OLA1: variants seen among roughly 807,000 people sequenced by gnomAD.
The protein encoded by OLA1 is obg-like ATPase 1.
OLA1 carries 14 observed loss-of-function variants against 48.4 expected under a neutral mutation model. The ratio of observed to expected loss-of-function variants is 0.29; its 90% CI spans 0.19 to 0.45. OLA1 has a LOEUF of 0.45. OLA1 is among the 20% of genes least tolerant of loss of function. The pLI is 1.00. For missense variants in OLA1, 325 were observed against 467.1 expected (o/e 0.70, Z 2.80); for synonymous variants, 127 against 150.4 (o/e 0.84, Z 1.14).
Position 174,141,847 on chromosome 2 carries a change from T to G in OLA1, c.527A>C (p.Asp176Ala), listed in dbSNP as rs1461079347. The G allele has an allele frequency of 1.2e-6, 2 of 1,603,124 alleles. No individual in the cohort carries two copies. Among genetic ancestry groups the G allele is most frequent in the Non-Finnish European group, 1.7e-6 (2 of 1,177,944 alleles). Residue 176 changes from aspartate to alanine, a missense_variant, in exon 5 of 11, where the codon GAT (aspartate) becomes GCT (alanine). By Grantham distance (126) the Asp-to-Ala change is moderately radical. Transcript: ENST00000284719. ...KLEKVAVRGG[D>A]KKLKPEYDIM... ...TACATATTCAGGTTTTAGTTTTTTATCTCCTCCTCTCACAGCCACCTTTTC... is the reference window on the plus strand; with the variant it reads ...TACATATTCAGGTTTTAGTTTTTTAGCTCCTCCTCTCACAGCCACCTTTTC...
Position 174,141,829 on chromosome 2 carries a change from T to C in OLA1, c.545A>G (p.Glu182Gly). The C allele has an allele frequency of 1.9e-6, 3 of 1,594,004 alleles. No homozygotes were observed. The highest frequency in any genetic ancestry group is 1.7e-6 in the Non-Finnish European group (2 of 1,175,082). Residue 182 changes from glutamate to glycine, a missense_variant, in exon 5 of 11, where the codon GAA (glutamate) becomes GGA (glycine). Physicochemically the swap from Glu to Gly is moderately conservative, Grantham distance 98 (BLOSUM62 -2). Coordinates refer to ENST00000284719, the MANE Select transcript of OLA1 (RefSeq NM_013341.5). ...AAGCTGTAAATTTTTACTTACATAT[T>C]CAGGTTTTAGTTTTTTATCTCCTCC... Reference protein sequence around the residue: ...VRGGDKKLKPEYDIMCKVKSW... With the variant: ...VRGGDKKLKPGYDIMCKVKSW...
chr2:174,123,543 C>A, intron 6 of OLA1, 52 bp downstream of exon 6: 1 of 1,091,014 alleles, frequency 9.2e-7, no homozygotes, highest in South Asian at 1.5e-5. Context: ...AATTTGTTCC[C>A]TAGCAAATGA....
chr2:174,104,904 A>G (rs1685480448), intron 7 of OLA1, among the ~76,000 whole-genome samples: 1 of 151,984 alleles, frequency 6.6e-6, no homozygotes, highest in African/African-American at 2.4e-5. Context: ...TAGTGTCTCT[A>G]ATAGAAAGAT....
intron 4 of OLA1, among the ~76,000 whole-genome samples, chr2:174,190,874 G>C (rs1332751783): frequency 2.8e-5 from 4 of 145,444 alleles, no homozygotes; most frequent in Non-Finnish European, 6.0e-5. Context: ...GAACCCGGGA[G>C]GCAGAGCTTG....
chr2:174,143,358 G>A (rs1301057391), intron 4 of OLA1, among the ~76,000 whole-genome samples: 7 of 152,004 alleles, frequency 4.6e-5, no homozygotes, highest in Admixed American at 4.6e-4. Flanking sequence ...AAAATATGAA[G>A]GAAATCTCCC....
chr2:174,222,261 T>C (rs879656536), intron 4 of OLA1, among the ~76,000 whole-genome samples: 2 of 152,120 alleles, frequency 1.3e-5, no homozygotes, highest in Non-Finnish European at 2.9e-5. Flanking sequence ...ACCAAAAAAT[T>C]AGTCAAATTG....
At chr2:174,186,227 G>A (rs1487474824) in intron 4 of OLA1, among the ~76,000 whole-genome samples, 5 of 152,136 alleles carry the variant, frequency 3.3e-5, no homozygotes, top group Non-Finnish European at 7.3e-5. Context: ...ATTTCTGCTT[G>A]TAGGATGAAG....
Position 174,247,064 on chromosome 2 carries a change from A to G in OLA1, c.1-249T>C, listed in dbSNP as rs911384746. The G allele has an allele frequency of 4.1e-5, 11 of 268,032 alleles. No homozygotes were observed. The East Asian group carries it at 4.8e-4, about 12-fold the overall frequency. 16.6% of individuals were successfully genotyped at this position (268,032 alleles called of 1,614,324 possible). ...TCCCAGAAAGACTGATCTAAAATCAATATTTGTTGGGCCGGGCACGGTGGC... is the reference window on the plus strand; with the variant it reads ...TCCCAGAAAGACTGATCTAAAATCAGTATTTGTTGGGCCGGGCACGGTGGC... On this transcript the variant is annotated intron_variant, in intron 1 of 10. Coordinates refer to ENST00000284719, the MANE Select transcript of OLA1 (RefSeq NM_013341.5).
chr2:174,247,793 G>T, intron 1 of OLA1: 1 of 1,549,856 alleles, frequency 6.5e-7, no homozygotes, highest in Non-Finnish European at 8.7e-7. Flanking sequence ...TAAATTAATC[G>T]ACGGAACCTT....
At chr2:174,165,196 T>C (rs1004642015) in intron 4 of OLA1, among the ~76,000 whole-genome samples, 6 of 152,330 alleles carry the variant, frequency 3.9e-5, no homozygotes, top group East Asian at 1.9e-4. Flanking sequence ...TTACAACTCA[T>C]ATATTACGCT....
chr2:174,192,626 C>T (rs1343414518), intron 4 of OLA1, among the ~76,000 whole-genome samples: 1 of 152,140 alleles, frequency 6.6e-6, no homozygotes, highest in East Asian at 1.9e-4. Flanking sequence ...TTTTTTCCTT[C>T]ATTTATTCCA....
At chr2:174,102,086 A>C (rs1685409591) in intron 7 of OLA1, among the ~76,000 whole-genome samples, 1 of 152,132 alleles carries the variant, frequency 6.6e-6, no homozygotes, top group Admixed American at 6.5e-5. Flanking sequence ...CAAAGAGGAG[A>C]AACTAAGGCT....
At chr2:174,082,820 G>C (rs1419453202) in intron 7 of OLA1, among the ~76,000 whole-genome samples, 3 of 152,040 alleles carry the variant, frequency 2.0e-5, no homozygotes, top group African/African-American at 7.2e-5. Context: ...CCAAAGCATG[G>C]AGTATTTGGC....
At chr2:174,092,469 A>G in intron 7 of OLA1, among the ~76,000 whole-genome samples, 1 of 152,046 alleles carries the variant, frequency 6.6e-6, no homozygotes, top group East Asian at 1.9e-4. Flanking sequence ...GTTTGAGACC[A>G]GCCTGGGCAA....
At chr2:174,242,417 C>A (rs1440496968) in intron 2 of OLA1, among the ~76,000 whole-genome samples, 1 of 152,220 alleles carries the variant, frequency 6.6e-6, no homozygotes, top group Non-Finnish European at 1.5e-5. Context: ...TGCTCACTCG[C>A]CTGCTGCTCG....
intron 4 of OLA1, among the ~76,000 whole-genome samples, chr2:174,161,975 T>A (rs1687022734): frequency 6.6e-6 from 1 of 151,940 alleles, no homozygotes; most frequent in African/African-American, 2.4e-5. Context: ...GTAGGAGAAA[T>A]AAGACAAGAA....
In OLA1 at chr2:174,072,782, C is replaced by T. The variant is rs1303355737; in HGVS notation, c.*2644G>A. The T allele has an allele frequency of 6.6e-6, 1 of 152,152 alleles. No individual in the cohort carries two copies. The highest frequency in any genetic ancestry group is 2.4e-5 in the African/African-American group (1 of 41,432). 9.4% of individuals were successfully genotyped at this position (152,152 alleles called of 1,614,324 possible). A position where few individuals can be genotyped will look rare whatever the true frequency, so the allele number is the denominator to read the frequency against. ...TGAATCATGAGTAAGGGGACTTATT[C>T]CACCAATGAAACTGGCAAGTTATAA... On this transcript the variant is annotated 3_prime_UTR_variant, in exon 11 of 11. Coordinates refer to ENST00000284719, the MANE Select transcript of OLA1 (RefSeq NM_013341.5).
At position 174,190,937 on chromosome 2, in the gene OLA1, T is replaced by G. The variant is rs574909913; in HGVS notation, c.373+32096A>C. Among the ~76,000 whole-genome samples the G allele has an allele frequency of 1.1e-4, 13 of 114,828 alleles. No homozygotes were observed. In the South Asian group the frequency reaches 3.4e-3, roughly 30 times the overall value. The allele number at this position is 114,828 out of a possible 152,430, so 75.3% of individuals were successfully genotyped here. The stretch of plus-strand genomic sequence containing the variant: ...TCCAGCCTGGGCAACAGAGCAAGAC[T>G]TCGTCTCAAAAAAAAAAAAAAAAAA... On this transcript the variant is annotated intron_variant, in intron 4 of 10. Coordinates refer to ENST00000284719, the MANE Select transcript of OLA1 (RefSeq NM_013341.5).
intron 5 of OLA1, among the ~76,000 whole-genome samples, chr2:174,129,197 G>A (rs531142140): frequency 1.3e-5 from 2 of 152,250 alleles, no homozygotes; most frequent in Admixed American, 1.3e-4. Context: ...AGTGGCTCAC[G>A]CCTGTAATCC....
Sources: allele counts gnomAD v4.1 joint callset (sites outside exome capture counted in the v4.1 genomes callset), GRCh38; gene constraint gnomAD v4.1.1; transcripts MANE v1.5; gene names NCBI Gene and HGNC (gene_info 2026-07-23, HGNC 2026-07-21).